MMP20: variants seen among roughly 807,000 people sequenced by gnomAD.
The protein encoded by MMP20 is matrix metallopeptidase 20, also known as matrix metalloproteinase-20.
A neutral mutation model predicts 51.8 loss-of-function variants in MMP20; 50 were observed. The observed-to-expected ratio is 0.97, with a 90% CI of 0.77 to 1.22. The LOEUF is 1.22. Among genes scored for constraint, MMP20 ranks in the 50% most tolerant of loss-of-function variants. The pLI is 0.00. For synonymous variants in MMP20, 244 were observed against 216.2 expected (o/e 1.13, Z -1.13); for missense variants, 663 against 601.4 (o/e 1.10, Z -1.07).
chr11:102,603,481 G>A (rs1387490519), intron 6 of MMP20, among the ~76,000 whole-genome samples: 1 of 152,178 alleles, frequency 6.6e-6, no homozygotes, highest in East Asian at 1.9e-4. Flanking sequence ...CCCCTTACTA[G>A]CTATGTACTC....
intron 2 of MMP20, among the ~76,000 whole-genome samples, chr11:102,613,845 T>G (rs1177173411): frequency 6.6e-6 from 1 of 152,140 alleles, no homozygotes; most frequent in Non-Finnish European, 1.5e-5. Flanking sequence ...ATAATATGAG[T>G]CTGCAATTTA....
Position 102,606,648 on chromosome 11 carries a change from G to T in MMP20, c.840C>A (p.Pro280=), listed in dbSNP as rs1477968556. Residue 280 remains proline (P), a synonymous_variant, in exon 6 of 10, where the codon CCC becomes CCA. Coordinates refer to ENST00000260228, the MANE Select transcript of MMP20 (RefSeq NM_004771.4). ...TGTGATGGGGGGCATGGGGCAGAGT[G>T]GGCTTCCCCAGGAATACTTTCCGAG... ...YGPRKVFLGK[P]TLPHAPHHKP... is the part of the protein sequence containing the mutation. The T allele has an allele frequency of 2.5e-6, 4 of 1,613,870 alleles. No individual in the cohort carries two copies. In the African/African-American group the frequency reaches 5.3e-5, roughly 22 times the overall value.
At chr11:102,594,471 G>T in intron 7 of MMP20, 150 bp downstream of exon 7, 2 of 955,800 alleles carry the variant, frequency 2.1e-6, no homozygotes, top group Non-Finnish European at 3.2e-6. Flanking sequence ...TATAACAAAT[G>T]TAGGGTGGCA....
At chr11:102,593,928 G>C (rs913112744) in intron 7 of MMP20, among the ~76,000 whole-genome samples, 1 of 152,188 alleles carries the variant, frequency 6.6e-6, no homozygotes, top group South Asian at 2.1e-4. Flanking sequence ...CAAGTGACAT[G>C]CAAATGTCAT....
At chr11:102,617,471 T>C (rs1859689663) in intron 1 of MMP20, among the ~76,000 whole-genome samples, 1 of 152,236 alleles carries the variant, frequency 6.6e-6, no homozygotes, top group East Asian at 1.9e-4. Flanking sequence ...GGCTATCTGG[T>C]TTCTTTGGTA....
chr11:102,618,724 G>A (rs886667200), intron 1 of MMP20, among the ~76,000 whole-genome samples: 6 of 152,122 alleles, frequency 3.9e-5, no homozygotes, highest in African/African-American at 1.4e-4. Flanking sequence ...AAGTCTGCCT[G>A]AATATTAATG....
Position 102,616,939 on chromosome 11 carries a change from C to T in MMP20, c.247G>A (p.Val83Ile). The change falls in exon 2 of 10, where the codon GTC becomes ATC. Residue 83 changes from valine (V) to isoleucine (I), a missense_variant. Coordinates refer to ENST00000260228, the MANE Select transcript of MMP20 (RefSeq NM_004771.4). ...GTGGTCTGGTCTAACTTCCCGGTGACTTGGAGGCCAAAGAACGCTTGTAGC... is the reference window on the plus strand; with the variant it reads ...GTGGTCTGGTCTAACTTCCCGGTGATTTGGAGGCCAAAGAACGCTTGTAGC... ...KELQAFFGLQVTGKLDQTTMN... is the reference protein window; with the variant it reads ...KELQAFFGLQITGKLDQTTMN... The T allele has an allele frequency of 1.9e-6, 3 of 1,614,192 alleles. No individual in the cohort carries two copies. The highest frequency in any genetic ancestry group is 2.5e-6 in the Non-Finnish European group (3 of 1,180,040).
At position 102,610,026 on chromosome 11, in the gene MMP20, G is replaced by A. The variant is rs764305804; in HGVS notation, c.528C>T (p.His176=). Residue 176 remains histidine (H), a synonymous_variant, in exon 4 of 10, where the codon CAC becomes CAT. Coordinates refer to ENST00000260228, the MANE Select transcript of MMP20 (RefSeq NM_004771.4). The stretch of plus-strand genomic sequence containing the variant: ...GCCCATCGAATGGATAGGAATCCCC[G>A]TGATCTAAACAAGTGGGGAGAAAGG... ...DIMISFENGD[H]GDSYPFDGPR... is the part of the protein sequence containing the mutation. The A allele has an allele frequency of 2.7e-5, 43 of 1,613,878 alleles. No homozygotes were observed. The highest frequency in any genetic ancestry group is 3.2e-5 in the Non-Finnish European group (38 of 1,179,988).
chr11:102,593,414 A>T lies in MMP20; in HGVS notation c.1247+25T>A, dbSNP rs199839391. The T allele has an allele frequency of 8.7e-6, 14 of 1,606,146 alleles. No individual in the cohort carries two copies. In the Admixed American group the frequency reaches 2.3e-4, roughly 27 times the overall value. On this transcript the variant is annotated intron_variant, in intron 8 of 9. Transcript: ENST00000260228. Reference sequence around the variant, plus strand: ...AATCATTCTCATTAAATAAAGATAGATAGTAAAAAGGAAAAAAGCCATACC... The same window carrying T: ...AATCATTCTCATTAAATAAAGATAGTTAGTAAAAAGGAAAAAAGCCATACC...
At chr11:102,606,901 A>C (rs1337704092) in intron 5 of MMP20, 3 of 547,806 alleles carry the variant, frequency 5.5e-6, no homozygotes, top group African/African-American at 3.8e-5. Flanking sequence ...CTCACTTGTT[A>C]AAAGGGAGGG....
At chr11:102,589,936 G>C (rs1049894767) in intron 8 of MMP20, among the ~76,000 whole-genome samples, 8 of 152,274 alleles carry the variant, frequency 5.3e-5, no homozygotes, top group African/African-American at 1.9e-4. Flanking sequence ...TCAGGAAGAA[G>C]AGAATGTGGA....
chr11:102,602,143 T>C (rs7935841), intron 6 of MMP20, among the ~76,000 whole-genome samples: 1 of 79,492 alleles, frequency 1.3e-5, no homozygotes, highest in Non-Finnish European at 2.5e-5. Context: ...TTTTTTTTTG[T>C]ATTTTTAGTA....
At chr11:102,589,405 A>C (rs1019327060) in intron 8 of MMP20, among the ~76,000 whole-genome samples, 2 of 152,164 alleles carry the variant, frequency 1.3e-5, no homozygotes, top group African/African-American at 4.8e-5. Context: ...CTTGTATCAG[A>C]GCACTTTTGG....
At chr11:102,609,805 A>C (rs1482376121) in intron 4 of MMP20, 100 bp downstream of exon 4, 1 of 1,523,252 alleles carries the variant, frequency 6.6e-7, no homozygotes, top group African/African-American at 1.4e-5. Context: ...CAGCCCCCCT[A>C]GTTAAAGGGT....
At chr11:102,583,456 T>C (rs1327555982) in intron 8 of MMP20, 4 of 152,202 alleles carry the variant, frequency 2.6e-5, no homozygotes, top group African/African-American at 9.6e-5. Flanking sequence ...GATACACAAA[T>C]ACTTACCATT....
In MMP20 at chr11:102,610,383, C is replaced by T. The variant is rs1032131098; in HGVS notation, c.524-353G>A. ...GGGGCGGGGCGGGGCGGCGGGGGGG[C>T]GGCATTCGATAGCAAAACCTACCCC... is the stretch of plus-strand genomic sequence containing the variant. On this transcript the variant is annotated intron_variant, in intron 3 of 9. Coordinates refer to ENST00000260228, the MANE Select transcript of MMP20 (RefSeq NM_004771.4). 6.6e-5 allele frequency among the ~76,000 whole-genome samples: 10 copies of T among 151,990 alleles called. No homozygotes were observed. The East Asian group carries it at 1.2e-3, about 18-fold the overall frequency.
intron 6 of MMP20, among the ~76,000 whole-genome samples, chr11:102,599,327 T>C (rs1370750385): frequency 6.6e-6 from 1 of 152,158 alleles, no homozygotes; most frequent in Non-Finnish European, 1.5e-5. Context: ...CCTCTATCTT[T>C]TTGATTCTCT....
At chr11:102,620,633 T>C (rs908253395) in intron 1 of MMP20, among the ~76,000 whole-genome samples, 2 of 152,222 alleles carry the variant, frequency 1.3e-5, no homozygotes, top group African/African-American at 4.8e-5. Context: ...AGGTCTCCCT[T>C]CCAAGCCCTT....
intron 3 of MMP20, 146 bp downstream of exon 3, chr11:102,611,609 C>A: frequency 1.1e-6 from 1 of 937,266 alleles, no homozygotes; most frequent in Non-Finnish European, 1.6e-6. Flanking sequence ...AGATGAAGAT[C>A]ATGGCTTTGC....
Sources: allele counts gnomAD v4.1 joint callset (sites outside exome capture counted in the v4.1 genomes callset), GRCh38; gene constraint gnomAD v4.1.1; transcripts MANE v1.5; gene names NCBI Gene and HGNC (gene_info 2026-07-23, HGNC 2026-07-21).